ABCB1: variants seen among roughly 807,000 people sequenced by gnomAD.
The protein encoded by ABCB1 is ATP-dependent translocase ABCB1.
Under a neutral mutation model 142.0 loss-of-function variants are expected in ABCB1, and 69 were observed. The ratio of observed to expected loss-of-function variants is 0.49; its 90% confidence interval spans 0.40 to 0.59. The LOEUF (loss-of-function observed/expected upper bound fraction) is 0.59. Ranked by LOEUF, ABCB1 falls within the 20% of genes least tolerant of loss-of-function variation. The pLI, the probability that ABCB1 is intolerant of heterozygous loss-of-function variation, is 0.00. For synonymous variants in ABCB1, 532 were observed against 539.2 expected, an observed-to-expected ratio of 0.99 and a Z score of 0.18; for missense variants, 1,326 against 1,554.7, an observed-to-expected ratio of 0.85 and a Z score of 2.47.
intron 1 of ABCB1, among the ~76,000 whole-genome samples, chr7:87,674,238 G>A (rs1826102737): frequency 6.6e-6 from 1 of 152,192 alleles, no homozygotes; most frequent in Non-Finnish European, 1.5e-5. Context: ...ATTGGCTGGG[G>A]CAGGGTACCA....
At chr7:87,692,293 A>C (rs918526430) in intron 1 of ABCB1, among the ~76,000 whole-genome samples, 1 of 152,148 alleles carries the variant, frequency 6.6e-6, no homozygotes, top group Admixed American at 6.5e-5. Context: ...TCTACAAAAA[A>C]AACACATAAA....
At chr7:87,598,812 C>T (rs931791192) in intron 2 of ABCB1, among the ~76,000 whole-genome samples, 3 of 152,148 alleles carry the variant, frequency 2.0e-5, no homozygotes, top group Non-Finnish European at 4.4e-5. Context: ...AGTGTGCTTT[C>T]GACTACTCCA....
In ABCB1 at chr7:87,549,477, A is replaced by G; in HGVS notation, c.1596T>C (p.Ser532=). The change falls in exon 14 of 28, where the codon AGT becomes AGC. Residue 532 remains serine (S), a synonymous_variant. Coordinates refer to ENST00000622132, the MANE Select transcript of ABCB1 (RefSeq NM_001348946.2). ...TLVGERGAQL[S]GGQKQRIAIA... ...TGGCGATCCTCTGCTTCTGCCCACCACTCAACTGGGCCCCTCTCTCTCCAA... is the reference window on the plus strand; with the variant it reads ...TGGCGATCCTCTGCTTCTGCCCACCGCTCAACTGGGCCCCTCTCTCTCCAA... The G allele has an allele frequency of 6.2e-7, 1 of 1,613,986 alleles. No homozygotes were observed. Among genetic ancestry groups the G allele is most frequent in the Non-Finnish European group, 8.5e-7 (1 of 1,179,980 alleles).
chr7:87,553,305 A>C (rs1262460969), intron 9 of ABCB1, among the ~76,000 whole-genome samples: 2 of 149,560 alleles, frequency 1.3e-5, no homozygotes. Flanking sequence ...GGATGCATCT[A>C]ATTTTTTTCC....
chr7:87,595,854 T>C (rs1176448483), intron 2 of ABCB1, 40 bp from the exon 3 acceptor site: 6 of 1,525,324 alleles, frequency 3.9e-6, no homozygotes, highest in Non-Finnish European at 5.4e-6. Flanking sequence ...CTTTAAAAAG[T>C]ACATATTTTT....
intron 1 of ABCB1, chr7:87,709,201 G>A (rs1829857499): frequency 1.0e-6 from 1 of 975,036 alleles, no homozygotes; most frequent in South Asian, 4.7e-5. Context: ...AATAAATCAG[G>A]AAGCAAGATT....
chr7:87,643,164 T>G (rs1056175158), intron 1 of ABCB1, among the ~76,000 whole-genome samples: 2 of 152,192 alleles, frequency 1.3e-5, no homozygotes, highest in Non-Finnish European at 2.9e-5. Context: ...GCTTCAGCTT[T>G]GCAAAGTGTT....
intron 1 of ABCB1, among the ~76,000 whole-genome samples, chr7:87,632,360 CAT>C (rs1271899872): frequency 3.9e-5 from 6 of 152,084 alleles, no homozygotes; most frequent in Non-Finnish European, 7.4e-5. Flanking sequence ...AATTTTGGCT[CAT>C]GTGTGATTGT....
At chr7:87,676,164 C>G (rs749957164) in intron 1 of ABCB1, among the ~76,000 whole-genome samples, 5 of 151,966 alleles carry the variant, frequency 3.3e-5, no homozygotes, top group Admixed American at 1.3e-4. Flanking sequence ...GAGTTTGAGG[C>G]TTCAGTGAGC....
At chr7:87,522,232 G>A (rs1563033095) in intron 21 of ABCB1, 3 of 1,157,134 alleles carry the variant, frequency 2.6e-6, no homozygotes, top group Non-Finnish European at 3.9e-6. Flanking sequence ...TGGAGGTGGT[G>A]TAATGATTTT....
chr7:87,511,202 T>C (rs1814992196), intron 25 of ABCB1, among the ~76,000 whole-genome samples: 1 of 152,198 alleles, frequency 6.6e-6, no homozygotes, highest in Non-Finnish European at 1.5e-5. Flanking sequence ...AAAACAAGTT[T>C]AGATGCCTAG....
rs200511149 is a variant in ABCB1, at chr7:87,541,369, T to C, written c.2307A>G (p.Thr769=). The C allele has an allele frequency of 1.2e-4, 192 of 1,567,786 alleles. 1 individual carries two copies. Among genetic ancestry groups the C allele is most frequent in the South Asian group, 1.1e-3 (102 of 90,108 alleles). ...TGGAAACATTTACCTGAAGGAAAAA[T>C]GTAATAAAAGAAATAATTCCAAGGG... The part of the protein sequence containing the change: ...FLALGIISFI[T]FFLQGFTFGK... The change falls in exon 18 of 28, where the codon ACA becomes ACG. Residue 769 remains threonine (T), a synonymous_variant. Transcript: ENST00000622132.
At chr7:87,654,529 T>G (rs1452467169) in intron 1 of ABCB1, among the ~76,000 whole-genome samples, 1 of 152,060 alleles carries the variant, frequency 6.6e-6, no homozygotes, top group Non-Finnish European at 1.5e-5. Flanking sequence ...GTTAGCCACA[T>G]GTAGAAGAAT....
intron 1 of ABCB1, among the ~76,000 whole-genome samples, chr7:87,694,895 TG>T (rs1162090198): frequency 2.9e-4 from 44 of 152,306 alleles, no homozygotes; most frequent in African/African-American, 1.0e-3. Flanking sequence ...AATTAAGAGT[TG>T]ACTAATTGTT....
chr7:87,684,237 CGTT>C (rs1279581962), intron 1 of ABCB1, among the ~76,000 whole-genome samples: 3 of 152,062 alleles, frequency 2.0e-5, no homozygotes, highest in African/African-American at 7.2e-5. Flanking sequence ...TTGGAAAACT[CGTT>C]GTTAAGATGT....
rs1459627404 is a variant in ABCB1, at chr7:87,552,697, G to C, written c.999+1064C>G. On this transcript the variant is annotated intron_variant, in intron 9 of 27. Coordinates refer to ENST00000622132, the MANE Select transcript of ABCB1 (RefSeq NM_001348946.2). ...AGCCATTCCCCACTGAGCAATGTTG[G>C]ATAAGGCAAATTTGAAAAAAAAAGA... 2.2e-5 allele frequency among the ~76,000 whole-genome samples: 3 copies of C among 134,348 alleles called. No homozygotes were observed. In the East Asian group the frequency reaches 6.1e-4, roughly 28 times the overall value. 88.1% of individuals were successfully genotyped at this position (134,348 alleles called of 152,430 possible).
At chr7:87,557,756 T>C (rs1310253588) in intron 8 of ABCB1, among the ~76,000 whole-genome samples, 3 of 152,228 alleles carry the variant, frequency 2.0e-5, no homozygotes, top group Non-Finnish European at 2.9e-5. Context: ...GTTACAAATG[T>C]TGGGCTTCAC....
rs1270164874 is a variant in ABCB1 at position 87,666,184 on chromosome 7, AC to A, written c.-331+46976del. On this transcript the variant is annotated intron_variant, in intron 1 of 28. Coordinates refer to the ABCB1 transcript ENST00000265724. ...TGACTTTTTAGTAATAGCCATTCTG[AC>A]TGGTGTGAGATGGTATCTCATTGTG... Among the ~76,000 whole-genome samples, 3 of 152,234 alleles carry A rather than the reference AC, an allele frequency of 2.0e-5. No individual in the cohort carries two copies. The South Asian group carries it at 6.2e-4, about 32-fold the overall frequency.
chr7:87,594,816 A>G (rs1584910243), intron 3 of ABCB1, among the ~76,000 whole-genome samples: 1 of 152,102 alleles, frequency 6.6e-6, no homozygotes, highest in Non-Finnish European at 1.5e-5. Context: ...TTTTTTCCCT[A>G]CCTACAACTA....
Sources: gnomAD v4.1 joint callset for allele counts (sites outside exome capture counted in the v4.1 genomes callset) on GRCh38, gnomAD v4.1.1 for gene constraint, MANE v1.5 for transcripts, NCBI Gene and HGNC (gene_info 2026-07-23, HGNC 2026-07-21) for gene names.